Variants in TERT observed in about 807,000 individuals in gnomAD.
TERT encodes telomerase catalytic subunit.
Under a neutral mutation model 104.0 loss-of-function variants are expected in TERT, and 42 were observed. The ratio of observed to expected loss-of-function variants is 0.40; its 90% CI spans 0.32 to 0.52. The LOEUF (loss-of-function observed/expected upper bound fraction) is 0.52. Among genes scored for constraint, TERT ranks in the 20% least tolerant of loss-of-function variants. The probability of loss-of-function intolerance (pLI) is 0.43; values close to 1 mark genes in which losing one functional copy is unlikely to be tolerated. For synonymous variants in TERT, 781 were observed against 725.6 expected (o/e 1.08, Z -1.23); for missense variants, 1,101 against 1,610.3 (o/e 0.68, Z 5.41).
At chr5:1,284,402 C>T (rs11960795) in intron 2 of TERT, among the ~76,000 whole-genome samples, 2 of 46,554 alleles carry the variant, frequency 4.3e-5, no homozygotes, top group East Asian at 8.7e-4. Context: ...CCCTGACCTG[C>T]ACCATCCGGA....
rs1748331108 is a variant in TERT, at chr5:1,262,914, G to C, written c.2843+1490C>G. On this transcript the variant is annotated intron_variant, in intron 11 of 15. Transcript: ENST00000310581. The surrounding 1 kb of genome is among the most constrained non-coding windows in gnomAD (Gnocchi z 5.6). The stretch of plus-strand genomic sequence containing the variant: ...CCTGGGAGAGGCGAAGAGGTGCTGG[G>C]AGCCCAGGAAATGTGGAAATCATGC... Among the ~76,000 whole-genome samples the C allele has an allele frequency of 6.6e-6, 1 of 152,228 alleles. No individual in the cohort carries two copies. Among genetic ancestry groups the C allele is most frequent in the Non-Finnish European group, 1.5e-5 (1 of 68,046 alleles).
chr5:1,282,439 T>C lies in TERT; in HGVS notation c.1759A>G (p.Ile587Val), dbSNP rs752068571. The change falls in exon 3 of 16, where the codon ATT becomes GTT. Residue 587 changes from isoleucine to valine, a missense_variant. Ile to Val is a conservative substitution (Grantham distance 29). Coordinates refer to ENST00000310581, the MANE Select transcript of TERT (RefSeq NM_198253.3). ...RKSVWSKLQSIGIRQHLKRVQ... is the reference protein window; with the variant it reads ...RKSVWSKLQSVGIRQHLKRVQ... ...GTGGGGATACAGTACCTGATTCCAATGCTTTGCAACTTGCTCCAGACACTC... is the reference window on the plus strand; with the variant it reads ...GTGGGGATACAGTACCTGATTCCAACGCTTTGCAACTTGCTCCAGACACTC... 1.9e-6 allele frequency: 3 copies of C among 1,613,984 alleles called. No individual in the cohort carries two copies. The highest frequency in any genetic ancestry group is 2.5e-6 in the Non-Finnish European group (3 of 1,179,958).
At chr5:1,291,845 G>A (rs1005431938) in intron 2 of TERT, among the ~76,000 whole-genome samples, 5 of 152,212 alleles carry the variant, frequency 3.3e-5, no homozygotes, top group Admixed American at 2.0e-4. Flanking sequence ...ATGACAGGCA[G>A]AGTCCTGATC....
chr5:1,292,657 C>G lies in TERT; in HGVS notation c.1573+656G>C, dbSNP rs1579595318. On this transcript the variant is annotated intron_variant, in intron 2 of 15. Transcript: ENST00000310581. This position sits in a 1 kb window ranked among gnomAD's most constrained non-coding sequence, Gnocchi z 5.5. ...CCTCCCAAGTAGCTGGGATTACAGG[C>G]ACACACCACCATGCCCAGCTAATTT... is the stretch of plus-strand genomic sequence containing the variant. Among the ~76,000 whole-genome samples, 1 of 152,164 alleles carries G rather than the reference C, an allele frequency of 6.6e-6. No homozygotes were observed. The highest frequency in any genetic ancestry group is 1.5e-5 in the Non-Finnish European group (1 of 68,022).
In TERT at chr5:1,255,489, G is replaced by T; in HGVS notation, c.3033-78C>A. On this transcript the variant is annotated intron_variant, in intron 13 of 15. Transcript: ENST00000310581. This position sits in a 1 kb window ranked among gnomAD's most constrained non-coding sequence, Gnocchi z 6.9. Reference sequence around the variant, plus strand: ...TCGTGGGTGTGGGCATGGGCCCACCGGTGCCTGTGTGCGTGCATGAATGCA... The same window carrying T: ...TCGTGGGTGTGGGCATGGGCCCACCTGTGCCTGTGTGCGTGCATGAATGCA... The T allele has an allele frequency of 6.3e-7, 1 of 1,584,904 alleles. No homozygotes were observed. Among genetic ancestry groups the T allele is most frequent in the Non-Finnish European group, 8.6e-7 (1 of 1,156,158 alleles).
At chr5:1,276,184 C>T (rs1427990608) in intron 6 of TERT, among the ~76,000 whole-genome samples, 2 of 147,886 alleles carry the variant, frequency 1.4e-5, no homozygotes, top group African/African-American at 5.0e-5. Flanking sequence ...ACCAATCCCA[C>T]AGGTCCCCAC....
Position 1,293,601 on chromosome 5 carries a change from C to T in TERT, c.1285G>A (p.Glu429Lys), listed in dbSNP as rs1561213553. 6.5e-7 allele frequency: 1 copy of T among 1,548,590 alleles called. No homozygotes were observed. The highest frequency in any genetic ancestry group is 8.7e-7 in the Non-Finnish European group (1 of 1,145,396). Reference sequence around the variant, plus strand: ...GCCGCCACAGAGCCCTGGGGCTTCTCCCGGGCACAGACACCGGCTGCTGGG... The same window carrying T: ...GCCGCCACAGAGCCCTGGGGCTTCTTCCGGGCACAGACACCGGCTGCTGGG... ...VTPAAGVCAR[E>K]KPQGSVAAPE... The change falls in exon 2 of 16, where the codon GAG becomes AAG. Residue 429 changes from glutamate to lysine, a missense_variant. Around this residue, in one of 5 missense-constraint regions of TERT, gnomAD observed 504 missense variants for 544.6 expected, o/e 0.93. Transcript: ENST00000310581.
chr5:1,279,283 G>A lies in TERT; in HGVS notation c.2130+8C>T. 1.9e-6 allele frequency: 3 copies of A among 1,569,942 alleles called. No individual in the cohort carries two copies. The highest frequency in any genetic ancestry group is 2.6e-6 in the Non-Finnish European group (3 of 1,159,936). On this transcript the variant is annotated splice_region_variant and intron_variant, in intron 5 of 15. Coordinates refer to ENST00000310581, the MANE Select transcript of TERT (RefSeq NM_198253.3). Reference sequence around the variant, plus strand: ...GCAGGGCTGCTCACGGGGGTCCCCGGCACCCACCTTGACAAAGTACAGCTC... The same window carrying A: ...GCAGGGCTGCTCACGGGGGTCCCCGACACCCACCTTGACAAAGTACAGCTC...
At chr5:1,290,304 C>T (rs71575521) in intron 2 of TERT, among the ~76,000 whole-genome samples, 22 of 42,796 alleles carry the variant, frequency 5.1e-4, no homozygotes, top group East Asian at 7.4e-4. Flanking sequence ...CCGGGGACGG[C>T]GCCTCACTCA....
chr5:1,280,420 C>A (rs1423256221), intron 3 of TERT, 82 bp from the exon 4 acceptor site: 2 of 1,491,948 alleles, frequency 1.3e-6, no homozygotes, highest in East Asian at 2.4e-5. Flanking sequence ...CAAGCCCCCA[C>A]CGACTCAGTG....
At chr5:1,275,837 TCCCACAGA>T (rs1749532351) in intron 6 of TERT, among the ~76,000 whole-genome samples, 2 of 58,154 alleles carry the variant, frequency 3.4e-5, no homozygotes, top group Non-Finnish European at 3.4e-5. Context: ...TGAAAACCAA[TCCCACAGA>T]TCCCCACCTA....
intron 3 of TERT, among the ~76,000 whole-genome samples, chr5:1,280,749 G>A (rs1318318104): frequency 6.6e-6 from 1 of 152,194 alleles, no homozygotes; most frequent in Non-Finnish European, 1.5e-5. Context: ...GGTAGAAAGA[G>A]CCACATCCCT....
intron 7 of TERT, 96 bp downstream of exon 7, chr5:1,272,089 G>A (rs368294100): frequency 9.3e-7 from 1 of 1,080,782 alleles, no homozygotes; most frequent in Admixed American, 2.0e-5. Flanking sequence ...CTGCCCCCCA[G>A]GGCCAACAGT....
rs747085187 is a variant in TERT, at chr5:1,280,349, G to A, written c.1770-11C>T. On this transcript the variant is annotated splice_polypyrimidine_tract_variant and intron_variant, in intron 3 of 15. Coordinates refer to ENST00000310581, the MANE Select transcript of TERT (RefSeq NM_198253.3). Reference sequence around the variant, plus strand: ...CTCTTCAAGTGCTGTCTGCAATAGAGAGCCCCTCAGGAGGCTTGCTCAGCC... The same window carrying A: ...CTCTTCAAGTGCTGTCTGCAATAGAAAGCCCCTCAGGAGGCTTGCTCAGCC... The A allele has an allele frequency of 1.2e-6, 2 of 1,611,626 alleles. No individual in the cohort carries two copies. The highest frequency in any genetic ancestry group is 2.2e-5 in the South Asian group (2 of 90,800).
intron 6 of TERT, among the ~76,000 whole-genome samples, chr5:1,277,012 G>C (rs768121466): frequency 6.6e-6 from 1 of 152,208 alleles, no homozygotes; most frequent in African/African-American, 2.4e-5. Context: ...CCTGCAAGCC[G>C]ATGATGGCAG....
chr5:1,291,094 G>A (rs1417736145), intron 2 of TERT, among the ~76,000 whole-genome samples: 1 of 133,392 alleles, frequency 7.5e-6, no homozygotes, highest in Non-Finnish European at 1.6e-5. Flanking sequence ...AGGGACACCT[G>A]GGGACCGCGC....
In TERT at chr5:1,294,163, G is replaced by A. The variant is rs1751212637; in HGVS notation, c.723C>T (p.Gly241=). The change falls in exon 2 of 16, where the codon GGC becomes GGT. Residue 241 remains glycine, a synonymous_variant. Transcript: ENST00000310581. The part of the protein sequence containing the change: ...SLPLPKRPRR[G]AAPEPERTPV... ...GCGTCCGCTCCGGCTCAGGGGCAGC[G>A]CCACGCCTGGGCCTCTTGGGCAACG... is the stretch of plus-strand genomic sequence containing the variant. 1 of 1,580,818 alleles carries A rather than the reference G, an allele frequency of 6.3e-7. No homozygotes were observed. The highest frequency in any genetic ancestry group is 1.3e-5 in the African/African-American group (1 of 74,222).
chr5:1,293,821 A>C lies in TERT; in HGVS notation c.1065T>G (p.Thr355=). 1 of 1,550,098 alleles carries C rather than the reference A, an allele frequency of 6.5e-7. No homozygotes were observed. The highest frequency in any genetic ancestry group is 8.7e-7 in the Non-Finnish European group (1 of 1,147,150). ...TGGTCTCCACGAGCCTCCGAGCGCC[A>C]GTCAGGCTGGGCCTCAGAGAGCTGA... ...FLLSSLRPSL[T]GARRLVETIF... Residue 355 remains threonine (T), a synonymous_variant, in exon 2 of 16, where the codon ACT becomes ACG. Coordinates refer to ENST00000310581, the MANE Select transcript of TERT (RefSeq NM_198253.3).
At chr5:1,279,499 G>T in intron 4 of TERT, 29 bp from the exon 5 acceptor site, 1 of 1,547,666 alleles carries the variant, frequency 6.5e-7, no homozygotes, top group South Asian at 1.2e-5. Context: ...GAGACAGTCA[G>T]GAAAGTGGAT....
Sources: gnomAD v4.1 joint callset for allele counts (sites outside exome capture counted in the v4.1 genomes callset) on GRCh38, gnomAD v4.1.1 for gene constraint, gnomAD v4.1.1 regional missense constraint, Gnocchi (gnomAD v3.1) non-coding constraint, MANE v1.5 for transcripts, NCBI Gene and HGNC (gene_info 2026-07-23, HGNC 2026-07-21) for gene names.